The following CFAP47 variants were observed in gnomAD, a reference collection of about 807,000 sequenced individuals.
The protein encoded by CFAP47 is cilia- and flagella-associated protein 47.
Under a neutral mutation model 148.1 loss-of-function variants are expected in CFAP47, and 29 were observed. That is an observed-to-expected ratio of 0.20 (90% CI 0.15 to 0.27). The LOEUF (loss-of-function observed/expected upper bound fraction) is 0.27. Among genes scored for constraint, CFAP47 ranks in the 10% least tolerant of loss-of-function variants. The pLI is 1.00. For missense variants in CFAP47, 1,872 were observed against 1,697.5 expected (o/e 1.10, Z -1.81); for synonymous variants, 664 against 577.3 (o/e 1.15, Z -2.15).
At chrX:36,364,657 T>G (rs1941856814) in intron 61 of CFAP47, among the ~76,000 whole-genome samples, 1 of 108,485 alleles carries the variant, frequency 9.2e-6, no homozygotes, top group Admixed American at 1.0e-4. Context: ...AAACAATGAA[T>G]AGTAAGAAAG....
At chrX:36,167,801 G>A (rs1486802002) in intron 39 of CFAP47, among the ~76,000 whole-genome samples, 1 of 111,483 alleles carries the variant, frequency 9.0e-6, no homozygotes, top group Non-Finnish European at 1.9e-5. Flanking sequence ...CAGACTACTG[G>A]TTTTCTTATT....
At chrX:35,942,511 C>G (rs1164496710) in intron 3 of CFAP47, among the ~76,000 whole-genome samples, 2 of 111,334 alleles carry the variant, frequency 1.8e-5, no homozygotes, top group African/African-American at 3.3e-5. Context: ...AGGAGGAAGT[C>G]TCTTACAGCA....
At chrX:36,071,005 TCTGCCTAGGGCTAGCC>T (rs1256684631) in intron 27 of CFAP47, among the ~76,000 whole-genome samples, 1 of 112,531 alleles carries the variant, frequency 8.9e-6, no homozygotes, top group Non-Finnish European at 1.9e-5. Flanking sequence ...GCTGCTACCC[TCTGCCTAGGGCTAGCC>T]CTGCTCTCCA....
intron 36 of CFAP47, among the ~76,000 whole-genome samples, chrX:36,145,752 A>G (rs1462442613): frequency 9.0e-6 from 1 of 111,022 alleles, no homozygotes; most frequent in Non-Finnish European, 1.9e-5. Flanking sequence ...AAACTCATCC[A>G]TATGTGGTCT....
chrX:35,931,094 T>C (rs1368531824), intron 2 of CFAP47, among the ~76,000 whole-genome samples: 1 of 111,550 alleles, frequency 9.0e-6, no homozygotes, highest in Non-Finnish European at 1.9e-5. Flanking sequence ...CTGCTTTAGC[T>C]GTGTCCTACA....
chrX:35,924,825 C>G (rs1248987751), intron 1 of CFAP47, among the ~76,000 whole-genome samples: 2 of 111,076 alleles, frequency 1.8e-5, no homozygotes, highest in African/African-American at 6.5e-5. Context: ...TATTTAGAAT[C>G]AGATAGGTAA....
intron 3 of CFAP47, 83 bp from the exon 4 acceptor site, chrX:35,948,231 A>G: frequency 1.1e-6 from 1 of 890,203 alleles, no homozygotes; most frequent in African/African-American, 2.0e-5. Context: ...TCTACTGGGT[A>G]AAGTATGTTG....
intron 55 of CFAP47, among the ~76,000 whole-genome samples, chrX:36,308,264 A>T (rs1941366708): frequency 8.9e-6 from 1 of 111,789 alleles, no homozygotes; most frequent in Non-Finnish European, 1.9e-5. Flanking sequence ...TTGAACACTG[A>T]TGGTTAATTT....
intron 26 of CFAP47, among the ~76,000 whole-genome samples, chrX:36,062,410 A>G (rs918418752): frequency 9.0e-6 from 1 of 111,713 alleles, no homozygotes; most frequent in Non-Finnish European, 1.9e-5. Context: ...TCAGACAACC[A>G]TAAAATCTCT....
At chrX:36,071,773 G>T in intron 27 of CFAP47, 52 bp from the exon 28 acceptor site, 1 of 1,077,576 alleles carries the variant, frequency 9.3e-7, no homozygotes, top group East Asian at 3.1e-5. Context: ...ATGGTATAAA[G>T]AAATACGTGA....
At chrX:36,026,044 A>G (rs1937212320) in intron 22 of CFAP47, among the ~76,000 whole-genome samples, 1 of 111,930 alleles carries the variant, frequency 8.9e-6, no homozygotes, top group African/African-American at 3.2e-5. Context: ...TGTACTTCCA[A>G]AAAGTACATA....
At chrX:36,084,047 A>G (rs986648493) in intron 29 of CFAP47, among the ~76,000 whole-genome samples, 8 of 110,489 alleles carry the variant, frequency 7.2e-5, no homozygotes, top group African/African-American at 2.6e-4. Flanking sequence ...TTTTGTTTTT[A>G]TTTGATTTAA....
intron 21 of CFAP47, among the ~76,000 whole-genome samples, chrX:36,005,221 AT>A (rs766670985): frequency 9.2e-6 from 1 of 108,412 alleles, no homozygotes; most frequent in Non-Finnish European, 1.9e-5. Context: ...TTTATTATTC[AT>A]TTTTTTCTGT....
In CFAP47 at chrX:35,941,473, A is replaced by G. The variant is rs896026042; in HGVS notation, c.517+75A>G. 1.2e-5 allele frequency: 6 copies of G among 520,101 alleles called. No individual in the cohort carries two copies. The South Asian group carries it at 2.9e-4, about 25-fold the overall frequency. The allele number at this position is 520,101 out of a possible 1,213,427, so 42.9% of individuals were successfully genotyped here. Reference sequence around the variant, plus strand: ...ATTTGAAATGTATACCTTGTGTAATAGATTACCTAATTTAACTGAAAAAAG... The same window carrying G: ...ATTTGAAATGTATACCTTGTGTAATGGATTACCTAATTTAACTGAAAAAAG... On this transcript the variant is annotated intron_variant, in intron 3 of 63. Coordinates refer to ENST00000378653, the MANE Select transcript of CFAP47 (RefSeq NM_001304548.2).
chrX:36,380,303 T>G (rs781814752), intron 63 of CFAP47, among the ~76,000 whole-genome samples: 1 of 110,516 alleles, frequency 9.0e-6, no homozygotes, highest in Non-Finnish European at 1.9e-5. Context: ...ATTGTTTTAT[T>G]TAACAGAGAC....
Position 35,971,712 on chromosome X carries a change from G to T in CFAP47, c.2097G>T (p.Ala699=), listed in dbSNP as rs778565336. The T allele has an allele frequency of 8.3e-7, 1 of 1,209,488 alleles. No individual in the cohort carries two copies. The highest frequency in any genetic ancestry group is 1.1e-6 in the Non-Finnish European group (1 of 894,968). The change falls in exon 12 of 64, where the codon GCG becomes GCT. Residue 699 remains alanine, a synonymous_variant. Coordinates refer to ENST00000378653, the MANE Select transcript of CFAP47 (RefSeq NM_001304548.2). ...CTTCAGCAGCAAATTCAATTAGAGC[G>T]AATCGATTGTTAACCACCAGGGGTA... ...ELSSAANSIR[A]NRLLTTRGIA... is the part of the protein sequence containing the mutation.
chrX:36,243,720 A>C (rs1940579106), intron 48 of CFAP47, among the ~76,000 whole-genome samples: 1 of 98,547 alleles, frequency 1.0e-5, no homozygotes, highest in South Asian at 5.3e-4. Context: ...TCATGAAACA[A>C]GTTCTTGATG....
In CFAP47 at chrX:35,980,956, T is replaced by G. The variant is rs191007579; in HGVS notation, c.2713+5043T>G. ...GCGTGTATATATATGTTTGTGATTTTACATATATTTATATATATAAAATTG... is the reference window on the plus strand; with the variant it reads ...GCGTGTATATATATGTTTGTGATTTGACATATATTTATATATATAAAATTG... On this transcript the variant is annotated intron_variant, in intron 15 of 63. Coordinates refer to ENST00000378653, the MANE Select transcript of CFAP47 (RefSeq NM_001304548.2). Among the ~76,000 whole-genome samples the G allele has an allele frequency of 4.7e-4, 52 of 110,877 alleles. 1 individual carries two copies. The highest frequency in any genetic ancestry group is 3.8e-5 in the Non-Finnish European group (2 of 52,980).
intron 1 of CFAP47, among the ~76,000 whole-genome samples, chrX:35,924,120 C>T (rs1247447349): frequency 1.0e-5 from 1 of 96,757 alleles, no homozygotes; most frequent in African/African-American, 4.1e-5. Flanking sequence ...TACATGTATG[C>T]GTACATATAT....
Sources: gnomAD v4.1 joint callset for allele counts (sites outside exome capture counted in the v4.1 genomes callset) on GRCh38, gnomAD v4.1.1 for gene constraint, MANE v1.5 for transcripts, NCBI Gene and HGNC (gene_info 2026-07-23, HGNC 2026-07-21) for gene names.